The following SPATA6L variants were observed in gnomAD, a reference collection of about 807,000 sequenced individuals.
SPATA6L encodes spermatogenesis associated 6 like.
In SPATA6L, 68 loss-of-function variants were observed where a neutral mutation model predicts 49.2. That is an observed-to-expected ratio of 1.38 (90% CI 1.14 to 1.69). SPATA6L has a LOEUF of 1.69. Ranked by LOEUF, SPATA6L falls within the 40% of genes most tolerant of loss-of-function variation. The pLI, the probability that SPATA6L is intolerant of heterozygous loss-of-function variation, is 0.00. For synonymous variants in SPATA6L, 198 were observed against 165.7 expected, an observed-to-expected ratio of 1.19 and a Z score of -1.50; for missense variants, 668 against 464.3, an observed-to-expected ratio of 1.44 and a Z score of -4.03.
chr9:4,622,528 A>T lies in SPATA6L; in HGVS notation c.670-18T>A. On this transcript the variant is annotated intron_variant, in intron 6 of 11. Coordinates refer to ENST00000682582, the MANE Select transcript of SPATA6L (RefSeq NM_001353486.2). ...CTGTCCACCTGAAAGTAAAGGAAAG[A>T]AATAAGACTAGAATCCACTATAGCT... 1.9e-6 allele frequency: 3 copies of T among 1,547,976 alleles called. No homozygotes were observed. The highest frequency in any genetic ancestry group is 2.7e-6 in the Non-Finnish European group (3 of 1,124,838).
chr9:4,652,841 CA>C (rs79392745), intron 3 of SPATA6L, among the ~76,000 whole-genome samples: 5,614 of 56,508 alleles, frequency 0.099, 155 homozygotes, highest in African/African-American at 0.19. Context: ...AATTCCGTCC[CA>C]AAAAAAAAAA....
intron 9 of SPATA6L, among the ~76,000 whole-genome samples, chr9:4,614,742 G>A (rs1326196692): frequency 1.3e-5 from 2 of 152,104 alleles, no homozygotes; most frequent in Non-Finnish European, 2.9e-5. Flanking sequence ...GCCTTTCTGT[G>A]GCTGTGTTAT....
At chr9:4,596,549 G>A (rs967434307), downstream of SPATA6L, 4 of 152,190 alleles carry the variant, frequency 2.6e-5, no homozygotes, top group Non-Finnish European at 5.9e-5. Flanking sequence ...AAAGGAACAG[G>A]AAAGTTTATT....
At chr9:4,635,492 C>A in intron 3 of SPATA6L, 93 bp from the exon 4 acceptor site, 1 of 1,296,544 alleles carries the variant, frequency 7.7e-7, no homozygotes, top group Non-Finnish European at 1.0e-6. Flanking sequence ...AGAGATGGCA[C>A]TCAGGTAAAA....
At chr9:4,646,369 C>A (rs1387839722) in intron 3 of SPATA6L, 4 of 575,240 alleles carry the variant, frequency 7.0e-6, no homozygotes, top group Admixed American at 3.8e-5. Flanking sequence ...CTTACAGACA[C>A]ATAAAGTTGT....
intron 8 of SPATA6L, 117 bp from the exon 9 acceptor site, chr9:4,618,227 C>T (rs1344012753): frequency 1.3e-6 from 1 of 764,468 alleles, no homozygotes; most frequent in Non-Finnish European, 2.0e-6. Flanking sequence ...AATATTTGCC[C>T]CAGGGATCTC....
chr9:4,615,415 G>A (rs1300700233), intron 9 of SPATA6L, among the ~76,000 whole-genome samples: 2 of 152,012 alleles, frequency 1.3e-5, no homozygotes, highest in Non-Finnish European at 2.9e-5. Context: ...CGTGCTCCCC[G>A]CCCACATACT....
chr9:4,645,357 A>C (rs1411580185), intron 3 of SPATA6L, among the ~76,000 whole-genome samples: 1 of 152,188 alleles, frequency 6.6e-6, no homozygotes, highest in African/African-American at 2.4e-5. Context: ...GAAACTGGGT[A>C]ATTTATTTTT....
chr9:4,624,751 T>C (rs1037999612), intron 6 of SPATA6L, among the ~76,000 whole-genome samples: 1 of 148,318 alleles, frequency 6.7e-6, no homozygotes. Flanking sequence ...AAAAAAAATG[T>C]AAAGAGACTA....
chr9:4,645,907 G>C (rs1391906421), intron 3 of SPATA6L, among the ~76,000 whole-genome samples: 1 of 152,196 alleles, frequency 6.6e-6, no homozygotes, highest in Admixed American at 6.5e-5. Flanking sequence ...TCTGGAATTA[G>C]TGGTGATGGC....
intron 9 of SPATA6L, among the ~76,000 whole-genome samples, chr9:4,606,251 G>GT (rs1824950788): frequency 7.1e-6 from 1 of 140,584 alleles, no homozygotes; most frequent in Non-Finnish European, 1.5e-5. Flanking sequence ...CAGGCTTGCT[G>GT]AGGTAAACAA....
At chr9:4,611,806 GAAA>G (rs112533008) in intron 9 of SPATA6L, among the ~76,000 whole-genome samples, 4 of 151,080 alleles carry the variant, frequency 2.6e-5, no homozygotes, top group African/African-American at 9.7e-5. Flanking sequence ...AATAATAAAA[GAAA>G]AAAAAATTTT....
rs114481510 is a variant in SPATA6L, at chr9:4,620,764, G to A, written c.772+1644C>T. Among the ~76,000 whole-genome samples the A allele has an allele frequency of 6.2e-3, 946 of 152,260 alleles. 15 individuals are homozygous for A. Among genetic ancestry groups the A allele is most frequent in the African/African-American group, 0.022 (908 of 41,528 alleles). On this transcript the variant is annotated intron_variant, in intron 7 of 11. Coordinates refer to ENST00000682582, the MANE Select transcript of SPATA6L (RefSeq NM_001353486.2). ...CCAGGATTAAGAAAAGACAAAGGCC[G>A]AGACCAGTGTGATGTGTGAGTCCCA...
rs1363001164 is a variant in SPATA6L, at chr9:4,662,184, A to G, written c.40-148T>C. On this transcript the variant is annotated intron_variant, in intron 1 of 11. Transcript: ENST00000682582. The surrounding 1 kb of genome is among the most constrained non-coding windows in gnomAD (Gnocchi z 4.9). ...CTCACCTGTACCTCCCAACGCCAACATCCTCCCCTCTGCTCTCCTCACATT... is the reference window on the plus strand; with the variant it reads ...CTCACCTGTACCTCCCAACGCCAACGTCCTCCCCTCTGCTCTCCTCACATT... The G allele has an allele frequency of 4.1e-6, 6 of 1,447,520 alleles. No homozygotes were observed. Among genetic ancestry groups the G allele is most frequent in the South Asian group, 1.4e-5 (1 of 69,382 alleles). The allele number at this position is 1,447,520 out of a possible 1,614,324, so 89.7% of individuals were successfully genotyped here. A position where few individuals can be genotyped will look rare whatever the true frequency, so the allele number is the denominator to read the frequency against.
chr9:4,655,911 C>A, intron 3 of SPATA6L, 130 bp downstream of exon 3: 2 of 731,168 alleles, frequency 2.7e-6, no homozygotes, highest in South Asian at 3.6e-5. Context: ...TCAAATTTTA[C>A]GTAGGCTGTC....
At chr9:4,593,847 C>G (rs1822060896), downstream of SPATA6L, among the ~76,000 whole-genome samples, 1 of 152,200 alleles carries the variant, frequency 6.6e-6, no homozygotes, top group African/African-American at 2.4e-5. Context: ...CTGCTGCTCC[C>G]TTACTGTGGG....
intron 5 of SPATA6L, chr9:4,627,461 C>T: frequency 4.2e-6 from 1 of 239,680 alleles, no homozygotes; most frequent in Non-Finnish European, 8.2e-6. Flanking sequence ...AACATACAGC[C>T]CACATTTTCA....
At chr9:4,643,788 T>C (rs890538001) in intron 3 of SPATA6L, among the ~76,000 whole-genome samples, 3 of 152,204 alleles carry the variant, frequency 2.0e-5, no homozygotes, top group African/African-American at 7.2e-5. Context: ...GCAGATCACC[T>C]GAGGTCAGGA....
chr9:4,626,376 G>A (rs1830349932), intron 5 of SPATA6L: 3 of 1,291,220 alleles, frequency 2.3e-6, no homozygotes, highest in Non-Finnish European at 3.1e-6. Flanking sequence ...CACCAGCAGT[G>A]AGCAGTGCCC....
Sources: gnomAD v4.1 joint callset for allele counts (sites outside exome capture counted in the v4.1 genomes callset) on GRCh38, gnomAD v4.1.1 for gene constraint, Gnocchi (gnomAD v3.1) non-coding constraint, MANE v1.5 for transcripts, NCBI Gene and HGNC (gene_info 2026-07-23, HGNC 2026-07-21) for gene names.